The following MYT1L variants were observed in gnomAD, a reference collection of about 807,000 sequenced individuals.
The protein encoded by MYT1L is myelin transcription factor 1 like.
A neutral mutation model predicts 126.7 loss-of-function variants in MYT1L; 12 were observed. The observed-to-expected ratio is 0.09, with a 90% confidence interval of 0.06 to 0.15. The LOEUF is 0.15. Among genes scored for constraint, MYT1L ranks in the 10% least tolerant of loss-of-function variants. The pLI is 1.00. For missense variants in MYT1L, 979 were observed against 1,585.2 expected (o/e 0.62, Z 6.49); for synonymous variants, 541 against 604.2 (o/e 0.90, Z 1.53).
At chr2:1,812,215 T>C (rs2036774958) in intron 21 of MYT1L, among the ~76,000 whole-genome samples, 1 of 152,136 alleles carries the variant, frequency 6.6e-6, no homozygotes, top group Non-Finnish European at 1.5e-5. Context: ...CCCCTGATGC[T>C]CTAACGCACA....
chr2:1,792,383 C>T lies in MYT1L; in HGVS notation c.3358G>A (p.Glu1120Lys). The T allele has an allele frequency of 6.2e-7, 1 of 1,611,980 alleles. No homozygotes were observed. Among genetic ancestry groups the T allele is most frequent in the Non-Finnish European group, 8.5e-7 (1 of 1,179,116 alleles). The change falls in exon 24 of 25, where the codon GAG (glutamate) becomes AAG (lysine). Residue 1120 changes from glutamate (E) to lysine (K), a missense_variant. Glu to Lys is a moderately conservative substitution (Grantham distance 56, BLOSUM62 1). Around this residue, in one of 12 missense-constraint regions of MYT1L, gnomAD observed 179 missense variants for 398.6 expected, o/e 0.45. Transcript: ENST00000647738. ...AGAGACTGGCTCAGGTTCGCCAGCTCGTGGAGGAGAGACTCGTTCTGCTGC... is the reference window on the plus strand; with the variant it reads ...AGAGACTGGCTCAGGTTCGCCAGCTTGTGGAGGAGAGACTCGTTCTGCTGC... ...IEQQNESLLH[E>K]LANLSQSLIH...
At chr2:2,328,725 G>T (rs2096266850) in intron 1 of MYT1L, among the ~76,000 whole-genome samples, 1 of 152,126 alleles carries the variant, frequency 6.6e-6, no homozygotes, top group South Asian at 2.1e-4. Flanking sequence ...TTTTCCAGTT[G>T]AAAAGTAATA....
intron 4 of MYT1L, among the ~76,000 whole-genome samples, chr2:2,026,397 C>T (rs1037180182): frequency 1.3e-5 from 2 of 152,130 alleles, no homozygotes; most frequent in African/African-American, 4.8e-5. Flanking sequence ...GTCTGGGTTG[C>T]GAGCTGTGGA....
intron 18 of MYT1L, among the ~76,000 whole-genome samples, chr2:1,854,252 A>G (rs770469916): frequency 2.6e-5 from 4 of 152,114 alleles, no homozygotes; most frequent in Non-Finnish European, 5.9e-5. Flanking sequence ...GCTAACTTGG[A>G]GGGTGGCGGG....
At chr2:2,097,900 TC>T (rs1419331035) in intron 3 of MYT1L, among the ~76,000 whole-genome samples, 1 of 152,168 alleles carries the variant, frequency 6.6e-6, no homozygotes, top group East Asian at 1.9e-4. Flanking sequence ...AATGACTTAG[TC>T]CCATACCCTT....
intron 4 of MYT1L, among the ~76,000 whole-genome samples, chr2:2,033,246 C>A (rs1284816873): frequency 6.8e-6 from 1 of 146,626 alleles, no homozygotes; most frequent in African/African-American, 2.6e-5. Context: ...AGATGGAGGG[C>A]CTTACACACA....
chr2:2,019,587 G>A (rs1051185508), intron 4 of MYT1L, among the ~76,000 whole-genome samples: 4 of 152,138 alleles, frequency 2.6e-5, no homozygotes, highest in Non-Finnish European at 5.9e-5. Flanking sequence ...CAGACTTCAT[G>A]GATAACACTC....
intron 3 of MYT1L, among the ~76,000 whole-genome samples, chr2:2,107,339 T>C (rs1285490409): frequency 6.6e-6 from 1 of 152,186 alleles, no homozygotes; most frequent in African/African-American, 2.4e-5. Flanking sequence ...GAATAAGTTT[T>C]ATTGGAACAC....
At chr2:2,266,710 C>A (rs1164601376) in intron 2 of MYT1L, among the ~76,000 whole-genome samples, 1 of 152,110 alleles carries the variant, frequency 6.6e-6, no homozygotes, top group Non-Finnish European at 1.5e-5. Flanking sequence ...GTGGGAGGGA[C>A]CTGGTGAGAG....
intron 3 of MYT1L, among the ~76,000 whole-genome samples, chr2:2,071,373 A>T (rs1269715490): frequency 6.6e-6 from 1 of 152,202 alleles, no homozygotes; most frequent in African/African-American, 2.4e-5. Flanking sequence ...GTGTTCTACT[A>T]CGAGCTCAGC....
chr2:2,015,713 C>A (rs971732555), intron 4 of MYT1L, among the ~76,000 whole-genome samples: 2 of 152,004 alleles, frequency 1.3e-5, no homozygotes, highest in Non-Finnish European at 1.5e-5. Context: ...AAGGAGGGGG[C>A]GGGAGGAACT....
At chr2:2,327,626 A>T (rs888557445) in intron 1 of MYT1L, among the ~76,000 whole-genome samples, 2 of 152,200 alleles carry the variant, frequency 1.3e-5, no homozygotes, top group Admixed American at 6.5e-5. Flanking sequence ...TTGCCTCCTG[A>T]ACAGAGTTCT....
chr2:1,813,055 TG>T (rs1401784077), intron 21 of MYT1L, among the ~76,000 whole-genome samples: 1 of 152,060 alleles, frequency 6.6e-6, no homozygotes, highest in East Asian at 1.9e-4. Context: ...TCCTCACAAA[TG>T]CAGGGAGCAG....
intron 14 of MYT1L, among the ~76,000 whole-genome samples, chr2:1,894,307 G>A (rs1010830150): frequency 1.3e-5 from 2 of 152,128 alleles, no homozygotes; most frequent in African/African-American, 4.8e-5. Flanking sequence ...GCCCACACCA[G>A]GGCCTTTGAG....
chr2:1,811,469 A>T lies in MYT1L; in HGVS notation c.3081-2302T>A, dbSNP rs922193680. ...CAGGGCAAGCCGCACGGGAAGCCCC[A>T]GGAGCAGAGAGGCCTCTGGGAACTG... On this transcript the variant is annotated intron_variant, in intron 21 of 24. Transcript: ENST00000647738. This position sits in a 1 kb window ranked among gnomAD's most constrained non-coding sequence, Gnocchi z 4.4. 6.6e-6 allele frequency: 1 copy of T among 151,962 alleles called. No homozygotes were observed. The highest frequency in any genetic ancestry group is 2.1e-4 in the South Asian group (1 of 4,798). 9.4% of individuals were successfully genotyped at this position (151,962 alleles called of 1,614,324 possible).
chr2:2,167,671 G>C (rs1349051309), intron 3 of MYT1L, among the ~76,000 whole-genome samples: 1 of 152,168 alleles, frequency 6.6e-6, no homozygotes, highest in East Asian at 1.9e-4. Context: ...GCTTGTCTAA[G>C]TCAGAAGACA....
At chr2:2,283,083 C>A (rs1195888805) in intron 2 of MYT1L, among the ~76,000 whole-genome samples, 1 of 151,972 alleles carries the variant, frequency 6.6e-6, no homozygotes, top group Non-Finnish European at 1.5e-5. Flanking sequence ...CCCCCCAACA[C>A]AAAAAGTAGT....
chr2:2,296,801 T>C (rs1199647709), intron 1 of MYT1L, among the ~76,000 whole-genome samples: 1 of 152,168 alleles, frequency 6.6e-6, no homozygotes, highest in African/African-American at 2.4e-5. Flanking sequence ...GTGCACTGCG[T>C]CAGGAGTAAG....
chr2:2,162,829 C>T (rs190251470), intron 3 of MYT1L, among the ~76,000 whole-genome samples: 7 of 152,360 alleles, frequency 4.6e-5, no homozygotes, highest in African/African-American at 1.4e-4. Flanking sequence ...GCCACATTTA[C>T]AGGCGTCGGA....
Sources: gnomAD v4.1 joint callset for allele counts (sites outside exome capture counted in the v4.1 genomes callset) on GRCh38, gnomAD v4.1.1 for gene constraint, gnomAD v4.1.1 regional missense constraint, Gnocchi (gnomAD v3.1) non-coding constraint, MANE v1.5 for transcripts, NCBI Gene and HGNC (gene_info 2026-07-23, HGNC 2026-07-21) for gene names.